The following APBB2 variants were observed in gnomAD, a reference collection of about 807,000 sequenced individuals.
APBB2 encodes the protein amyloid beta precursor protein binding family B member 2.
In APBB2, 38 loss-of-function variants were observed where a neutral mutation model predicts 82.5. That is an observed-to-expected ratio of 0.46 (90% CI 0.36 to 0.60). APBB2 has a LOEUF of 0.60. Ranked by LOEUF, APBB2 falls within the 20% of genes least tolerant of loss-of-function variation. The pLI is 0.00. For synonymous variants in APBB2, 341 were observed against 368.2 expected (o/e 0.93, Z 0.85); for missense variants, 772 against 972.3 (o/e 0.79, Z 2.74).
intron 1 of APBB2, chr4:41,193,519 TCCCACAGG>T: frequency 2.0e-6 from 2 of 980,068 alleles, no homozygotes; most frequent in Non-Finnish European, 2.4e-6. Context: ...ACCATGGTAC[TCCCACAGG>T]CCCTCCTGAG....
chr4:41,169,323 C>T (rs1338556200), intron 1 of APBB2, among the ~76,000 whole-genome samples: 1 of 151,354 alleles, frequency 6.6e-6, no homozygotes, highest in Non-Finnish European at 1.5e-5. Context: ...GAATTCCAAA[C>T]ATTACCTAAA....
At chr4:40,863,838 G>A (rs111337174) in intron 12 of APBB2, among the ~76,000 whole-genome samples, 8,649 of 139,576 alleles carry the variant, frequency 0.062, 431 homozygotes, top group African/African-American at 0.15. Context: ...AGGTTGTAGT[G>A]AGCTGAGATC....
intron 3 of APBB2, among the ~76,000 whole-genome samples, chr4:41,072,588 G>A (rs1165246444): frequency 6.6e-6 from 1 of 152,112 alleles, no homozygotes; most frequent in African/African-American, 2.4e-5. Flanking sequence ...CACATACTTG[G>A]GCTGTTGTGA....
intron 12 of APBB2, among the ~76,000 whole-genome samples, chr4:40,843,440 GTTTTTA>G (rs370868229): frequency 0.63 from 96,467 of 152,066 alleles, 30,995 homozygotes; most frequent in Admixed American, 0.7. Flanking sequence ...AAGCCAAGCT[GTTTTTA>G]TAAAACAAGC....
At chr4:41,041,993 C>CT (rs936789643) in intron 4 of APBB2, among the ~76,000 whole-genome samples, 7 of 151,512 alleles carry the variant, frequency 4.6e-5, no homozygotes, top group East Asian at 3.9e-4. Context: ...CTCCAACTTT[C>CT]TTTTTTTTTA....
chr4:40,833,928 C>T (rs1752945582), intron 12 of APBB2, among the ~76,000 whole-genome samples: 1 of 152,180 alleles, frequency 6.6e-6, no homozygotes, highest in African/African-American at 2.4e-5. Context: ...GCTTTGTGCC[C>T]TCTGTGCCTC....
intron 6 of APBB2, among the ~76,000 whole-genome samples, chr4:40,985,959 T>C (rs139274742): frequency 6.6e-6 from 1 of 152,184 alleles, no homozygotes; most frequent in Non-Finnish European, 1.5e-5. Flanking sequence ...CGGTAATAGG[T>C]TGTCCCAGAG....
intron 5 of APBB2, among the ~76,000 whole-genome samples, chr4:41,025,049 C>T (rs1456448843): frequency 6.6e-6 from 1 of 152,224 alleles, no homozygotes; most frequent in Non-Finnish European, 1.5e-5. Flanking sequence ...CAAGTGCTGT[C>T]TTTGTTCCAG....
chr4:40,984,327 T>C (rs1463430778), intron 6 of APBB2, among the ~76,000 whole-genome samples: 1 of 152,140 alleles, frequency 6.6e-6, no homozygotes, highest in Non-Finnish European at 1.5e-5. Context: ...CGGTTACCTT[T>C]TGAGTGAGTT....
At chr4:41,048,964 G>C (rs151077089) in intron 4 of APBB2, among the ~76,000 whole-genome samples, 5,484 of 152,200 alleles carry the variant, frequency 0.036, 161 homozygotes, top group East Asian at 0.12. Flanking sequence ...TTCACTCAGT[G>C]CTCAATGTTA....
rs528740046 is a variant in APBB2, at chr4:40,974,055, C to T, written c.836-28982G>A. On this transcript the variant is annotated intron_variant, in intron 6 of 17. Transcript: ENST00000508593. ...TTTTAGTAGAGACGGGGTTTCATTA[C>T]GGTGGTCAGGCTGGTCTCGAACTCC... Among the ~76,000 whole-genome samples the T allele has an allele frequency of 1.8e-4, 28 of 151,920 alleles. No individual in the cohort carries two copies. In the South Asian group the frequency reaches 3.1e-3, roughly 17 times the overall value.
chr4:40,928,017 A>T (rs185812756), intron 10 of APBB2, among the ~76,000 whole-genome samples: 3 of 152,206 alleles, frequency 2.0e-5, no homozygotes, highest in Admixed American at 2.0e-4. Context: ...TCCAAATCTA[A>T]GATATTAAAG....
chr4:40,868,356 A>G (rs1211286640), intron 12 of APBB2, among the ~76,000 whole-genome samples: 1 of 152,236 alleles, frequency 6.6e-6, no homozygotes, highest in Non-Finnish European at 1.5e-5. Flanking sequence ...ACTGGACCAT[A>G]GATTCTGCTT....
At chr4:40,923,382 G>A (rs1307487919) in intron 10 of APBB2, among the ~76,000 whole-genome samples, 1 of 152,230 alleles carries the variant, frequency 6.6e-6, no homozygotes, top group African/African-American at 2.4e-5. Context: ...GAGAGAACAA[G>A]TTCTGAGACG....
At chr4:41,005,291 T>C (rs1425985099) in intron 6 of APBB2, among the ~76,000 whole-genome samples, 1 of 152,184 alleles carries the variant, frequency 6.6e-6, no homozygotes, top group African/African-American at 2.4e-5. Context: ...GGTTTCACCA[T>C]GTTGGCCAGG....
chr4:41,042,956 G>A (rs2154448655), intron 4 of APBB2, among the ~76,000 whole-genome samples: 1 of 152,316 alleles, frequency 6.6e-6, no homozygotes, highest in African/African-American at 2.4e-5. Flanking sequence ...GAAGAGCTGT[G>A]GGATGAAACC....
chr4:40,896,480 C>A (rs905292122), intron 10 of APBB2, among the ~76,000 whole-genome samples: 1 of 152,088 alleles, frequency 6.6e-6, no homozygotes, highest in African/African-American at 2.4e-5. Flanking sequence ...CAATTTTGCT[C>A]GTTTGTAAAA....
intron 6 of APBB2, among the ~76,000 whole-genome samples, chr4:40,971,211 C>T (rs375482315): frequency 2.6e-5 from 4 of 152,004 alleles, no homozygotes; most frequent in South Asian, 4.2e-4. Context: ...TTATGAGACT[C>T]GAACTCTAGG....
At chr4:40,953,554 G>T (rs1790800991) in intron 6 of APBB2, among the ~76,000 whole-genome samples, 1 of 151,972 alleles carries the variant, frequency 6.6e-6, no homozygotes, top group Non-Finnish European at 1.5e-5. Context: ...TTCCAACTCA[G>T]GCCTCTATCC....
Sources: gnomAD v4.1 joint callset for allele counts (sites outside exome capture counted in the v4.1 genomes callset) on GRCh38, gnomAD v4.1.1 for gene constraint, MANE v1.5 for transcripts, NCBI Gene and HGNC (gene_info 2026-07-23, HGNC 2026-07-21) for gene names.